The following SLC23A2 variants were observed in gnomAD, a reference collection of about 807,000 sequenced individuals.
SLC23A2 encodes solute carrier family 23 member 2.
Under a neutral mutation model 73.3 loss-of-function variants are expected in SLC23A2, and 36 were observed. That is an observed-to-expected ratio of 0.49 (90% CI 0.38 to 0.65). The LOEUF is 0.65. Among genes scored for constraint, SLC23A2 ranks in the 30% least tolerant of loss-of-function variants. The pLI is 0.00. For missense variants in SLC23A2, 507 were observed against 841.6 expected (o/e 0.60, Z 4.92); for synonymous variants, 343 against 327.3 (o/e 1.05, Z -0.52).
At chr20:4,897,939 G>A (rs1443960790) in intron 6 of SLC23A2, among the ~76,000 whole-genome samples, 1 of 152,228 alleles carries the variant, frequency 6.6e-6, no homozygotes, top group East Asian at 1.9e-4. Flanking sequence ...TAAGTCAGCG[G>A]TTTAGAAAAA....
At chr20:4,913,035 C>G (rs371428035) in intron 3 of SLC23A2, 57 bp from the exon 4 acceptor site, 55 of 1,151,338 alleles carry the variant, frequency 4.8e-5, no homozygotes, top group Non-Finnish European at 6.4e-5. Flanking sequence ...TTCCTCCCCC[C>G]GAAAGCCATT....
At chr20:4,989,745 T>C (rs112499151) in intron 1 of SLC23A2, among the ~76,000 whole-genome samples, 1,921 of 152,238 alleles carry the variant, frequency 0.013, 38 homozygotes, top group African/African-American at 0.042. Context: ...TGCGGAATTT[T>C]CCACTCGTGG....
At position 4,899,494 on chromosome 20, in the gene SLC23A2, GCC is replaced by G. The variant is rs1931666901; in HGVS notation, c.482+59_482+60del. On this transcript the variant is annotated intron_variant, in intron 6 of 16. Transcript: ENST00000338244. This position sits in a 1 kb window ranked among gnomAD's most constrained non-coding sequence, Gnocchi z 4.9. ...CCCTAGGCAAACGGCGCAGCTCAAT[GCC>G]TTCTGCGCTCAATGCCTTCTGGGGG... is the stretch of plus-strand genomic sequence containing the variant. The G allele has an allele frequency of 1.0e-4, 6 of 58,826 alleles. No individual in the cohort carries two copies. Among genetic ancestry groups the G allele is most frequent in the East Asian group, 9.3e-4 (4 of 4,316 alleles). The allele number at this position is 58,826 out of a possible 1,614,324, so 3.6% of individuals were successfully genotyped here.
chr20:4,963,277 C>A (rs1221694980), intron 2 of SLC23A2, among the ~76,000 whole-genome samples: 1 of 152,156 alleles, frequency 6.6e-6, no homozygotes. Flanking sequence ...ATGAAGCCAA[C>A]CAGGGATCCA....
chr20:4,931,696 G>T (rs1214108344), intron 3 of SLC23A2, among the ~76,000 whole-genome samples: 1 of 152,060 alleles, frequency 6.6e-6, no homozygotes, highest in East Asian at 1.9e-4. Flanking sequence ...TCAAGCCTGG[G>T]AAGTCAAGGC....
In SLC23A2 at chr20:4,854,111, G is replaced by A. The variant is rs1929625819; in HGVS notation, c.*2861C>T. 1 of 152,170 alleles carries A rather than the reference G, an allele frequency of 6.6e-6. No homozygotes were observed. Among genetic ancestry groups the A allele is most frequent in the African/African-American group, 2.4e-5 (1 of 41,432 alleles). 9.4% of individuals were successfully genotyped at this position (152,170 alleles called of 1,614,324 possible). Reference sequence around the variant, plus strand: ...GTAGGTGGTCTCTGTGGAAACTGGAGACTAACCGGCCTGCAAGGACATTCA... The same window carrying A: ...GTAGGTGGTCTCTGTGGAAACTGGAAACTAACCGGCCTGCAAGGACATTCA... On this transcript the variant is annotated 3_prime_UTR_variant, in exon 17 of 17. Coordinates refer to ENST00000338244, the MANE Select transcript of SLC23A2 (RefSeq NM_005116.6).
chr20:4,895,663 T>C (rs1274866456), intron 6 of SLC23A2, among the ~76,000 whole-genome samples: 1 of 152,206 alleles, frequency 6.6e-6, no homozygotes, highest in Non-Finnish European at 1.5e-5. Context: ...CCACATGCTG[T>C]AAACATATCT....
intron 3 of SLC23A2, among the ~76,000 whole-genome samples, chr20:4,930,435 AT>A (rs1181253982): frequency 2.5e-4 from 38 of 152,356 alleles, no homozygotes; most frequent in African/African-American, 8.7e-4. Context: ...CAGTTGTAAA[AT>A]TAGTTAAACA....
intron 3 of SLC23A2, among the ~76,000 whole-genome samples, chr20:4,915,237 G>A (rs911862697): frequency 6.6e-6 from 1 of 152,092 alleles, no homozygotes; most frequent in African/African-American, 2.4e-5. Flanking sequence ...GGACAAGAAC[G>A]GCAATAGCAG....
intron 1 of SLC23A2, among the ~76,000 whole-genome samples, chr20:4,989,561 G>A (rs1286259197): frequency 6.6e-6 from 1 of 151,578 alleles, no homozygotes; most frequent in Non-Finnish European, 1.5e-5. Flanking sequence ...CTGTAATCCT[G>A]GCACTTTGGA....
chr20:4,991,755 C>CAG (rs2087928316), intron 1 of SLC23A2, among the ~76,000 whole-genome samples: 1 of 149,588 alleles, frequency 6.7e-6, no homozygotes, highest in Non-Finnish European at 1.5e-5. Flanking sequence ...CACACACACA[C>CAG]ACACACACAA....
upstream of SLC23A2, among the ~76,000 whole-genome samples, chr20:5,003,202 T>G (rs2088150547): frequency 6.6e-6 from 1 of 152,022 alleles, no homozygotes; most frequent in East Asian, 1.9e-4. Flanking sequence ...GCAAACACGG[T>G]GAAACCCCGT....
intron 2 of SLC23A2, among the ~76,000 whole-genome samples, chr20:4,967,611 G>A (rs2087493946): frequency 6.6e-6 from 1 of 152,088 alleles, no homozygotes; most frequent in Non-Finnish European, 1.5e-5. Context: ...CGACATGTTT[G>A]GTAATGAGAA....
chr20:4,912,804 C>T (rs555688681), intron 4 of SLC23A2, 76 bp downstream of exon 4: 25 of 936,170 alleles, frequency 2.7e-5, no homozygotes, highest in East Asian at 1.4e-4. Context: ...GAAAGGGATC[C>T]GGATCCAGAT....
At chr20:4,918,691 T>C (rs1198048215) in intron 3 of SLC23A2, among the ~76,000 whole-genome samples, 1 of 152,108 alleles carries the variant, frequency 6.6e-6, no homozygotes, top group African/African-American at 2.4e-5. Flanking sequence ...TGACAGTGCA[T>C]GTGCTGCTTC....
Position 5,008,333 on chromosome 20 carries a change from G to A in SLC23A2, c.-282+1849C>T, listed in dbSNP as rs141134772. ...CCCCTACCCCTTGAAAAAAGAGAGC[G>A]TTTAAATGCACACACCCTGAACTCA... On this transcript the variant is annotated intron_variant, in intron 1 of 16. Coordinates refer to the SLC23A2 transcript ENST00000379333. Among the ~76,000 whole-genome samples, 484 of 152,140 alleles carry A rather than the reference G, an allele frequency of 3.2e-3. 1 individual carries two copies. Among genetic ancestry groups the A allele is most frequent in the Middle Eastern group, 0.031 (9 of 294 alleles).
At chr20:4,905,767 C>G (rs1167044350) in intron 4 of SLC23A2, among the ~76,000 whole-genome samples, 1 of 152,186 alleles carries the variant, frequency 6.6e-6, no homozygotes, top group Non-Finnish European at 1.5e-5. Context: ...AAGGACCATA[C>G]AGTAAATATT....
At chr20:4,961,090 C>CTTTTTTT (rs575903187) in intron 2 of SLC23A2, among the ~76,000 whole-genome samples, 1 of 143,566 alleles carries the variant, frequency 7.0e-6, no homozygotes, top group African/African-American at 2.6e-5. Context: ...ATTACACATC[C>CTTTTTTT]TTTTTTTTTT....
intron 1 of SLC23A2, among the ~76,000 whole-genome samples, chr20:4,996,987 T>C (rs987803009): frequency 1.2e-4 from 19 of 152,178 alleles, no homozygotes; most frequent in African/African-American, 4.6e-4. Flanking sequence ...TAACATGGCC[T>C]AAACCAGCTC....
Sources: allele counts gnomAD v4.1 joint callset (sites outside exome capture counted in the v4.1 genomes callset), GRCh38; gene constraint gnomAD v4.1.1; non-coding constraint Gnocchi (gnomAD v3.1); transcripts MANE v1.5; gene names NCBI Gene and HGNC (gene_info 2026-07-23, HGNC 2026-07-21).